DNAJC5B: variants seen among roughly 807,000 people sequenced by gnomAD.
DNAJC5B encodes dnaJ homolog subfamily C member 5B.
A neutral mutation model predicts 24.7 loss-of-function variants in DNAJC5B; 23 were observed. The ratio of observed to expected loss-of-function variants is 0.93; its 90% CI spans 0.67 to 1.32. The LOEUF is 1.32. DNAJC5B is among the 40% of genes most tolerant of loss of function. The pLI, the probability that DNAJC5B is intolerant of heterozygous loss-of-function variation, is 0.00. For missense variants in DNAJC5B, 238 were observed against 240.8 expected, an observed-to-expected ratio of 0.99 and a Z score of 0.08; for synonymous variants, 101 against 90.1, an observed-to-expected ratio of 1.12 and a Z score of -0.68.
intron 1 of DNAJC5B, among the ~76,000 whole-genome samples, chr8:66,026,578 C>T (rs983424443): frequency 3.3e-5 from 5 of 152,240 alleles, no homozygotes; most frequent in African/African-American, 4.8e-5. Flanking sequence ...ACTGGATCTC[C>T]GACACGCGCA....
At chr8:66,086,784 G>A (rs1462124678) in intron 5 of DNAJC5B, among the ~76,000 whole-genome samples, 1 of 152,096 alleles carries the variant, frequency 6.6e-6, no homozygotes, top group East Asian at 1.9e-4. Flanking sequence ...ATTACCACAG[G>A]AAATTAATTT....
chr8:66,073,368 G>A lies in DNAJC5B; in HGVS notation c.120-3292G>A, dbSNP rs112996497. Among the ~76,000 whole-genome samples, 630 of 152,000 alleles carry A rather than the reference G, an allele frequency of 4.1e-3. 5 individuals are homozygous for A. The highest frequency in any genetic ancestry group is 0.014 in the African/African-American group (598 of 41,494). ...TAAAAATGATAAAACTTTAAAATTC[G>A]TTAAAAAGATTGAAATAGGTCGACA... On this transcript the variant is annotated intron_variant, in intron 3 of 5. Transcript: ENST00000276570.
intron 5 of DNAJC5B, among the ~76,000 whole-genome samples, chr8:66,085,228 C>A (rs558487348): frequency 3.3e-5 from 5 of 152,200 alleles, no homozygotes; most frequent in South Asian, 2.1e-4. Context: ...TCGCTTGAGG[C>A]CAGGAGTTCA....
At chr8:66,094,474 T>C (rs1347748528) in intron 5 of DNAJC5B, among the ~76,000 whole-genome samples, 1 of 152,118 alleles carries the variant, frequency 6.6e-6, no homozygotes, top group African/African-American at 2.4e-5. Flanking sequence ...TTAAAAACAT[T>C]GATTTTTGAA....
chr8:66,071,023 C>T (rs1807336068), intron 3 of DNAJC5B, among the ~76,000 whole-genome samples: 3 of 152,138 alleles, frequency 2.0e-5, no homozygotes, highest in South Asian at 4.2e-4. Context: ...AACTGGACCC[C>T]TTCCTTACAC....
chr8:66,021,411 C>G (rs557223158), upstream of DNAJC5B: 3 of 152,254 alleles, frequency 2.0e-5, no homozygotes, highest in Non-Finnish European at 4.4e-5. Context: ...GAATGTCCTT[C>G]CCAACCTCCC....
At chr8:66,082,209 A>G (rs1807611349) in intron 5 of DNAJC5B, among the ~76,000 whole-genome samples, 1 of 152,034 alleles carries the variant, frequency 6.6e-6, no homozygotes, top group African/African-American at 2.4e-5. Flanking sequence ...ACCAGAAGAG[A>G]CAGCAAGATA....
intron 2 of DNAJC5B, among the ~76,000 whole-genome samples, chr8:66,044,441 C>T (rs1806681756): frequency 6.6e-6 from 1 of 152,192 alleles, no homozygotes; most frequent in Non-Finnish European, 1.5e-5. Flanking sequence ...TTTTTTCAAA[C>T]TTCACATAAT....
At chr8:66,082,787 A>T (rs997334997) in intron 5 of DNAJC5B, among the ~76,000 whole-genome samples, 2 of 152,134 alleles carry the variant, frequency 1.3e-5, no homozygotes, top group African/African-American at 4.8e-5. Flanking sequence ...AAGTGAATAT[A>T]TATTTAGAAT....
At chr8:66,074,150 G>A (rs2085583910) in intron 3 of DNAJC5B, among the ~76,000 whole-genome samples, 1 of 152,114 alleles carries the variant, frequency 6.6e-6, no homozygotes, top group African/African-American at 2.4e-5. Flanking sequence ...TATCCAAACG[G>A]TATATATAAC....
At chr8:66,015,752 T>A in the DNAJC5B span, among the ~76,000 whole-genome samples, 1 of 152,124 alleles carries the variant, frequency 6.6e-6, no homozygotes, top group South Asian at 2.1e-4. Flanking sequence ...CAGATGTGGA[T>A]GTATTTAGAG....
At chr8:66,087,606 T>C (rs371498274) in intron 5 of DNAJC5B, among the ~76,000 whole-genome samples, 4 of 152,182 alleles carry the variant, frequency 2.6e-5, no homozygotes, top group African/African-American at 7.2e-5. Context: ...ACTTCCAAGA[T>C]ACAATGGAGG....
At chr8:66,036,034 T>C (rs1806477057) in intron 1 of DNAJC5B, among the ~76,000 whole-genome samples, 1 of 152,208 alleles carries the variant, frequency 6.6e-6, no homozygotes, top group Non-Finnish European at 1.5e-5. Flanking sequence ...GTCAGAGTTG[T>C]TCAGCGTGAT....
At chr8:66,042,888 C>T (rs1197639301) in intron 1 of DNAJC5B, among the ~76,000 whole-genome samples, 2 of 152,030 alleles carry the variant, frequency 1.3e-5, no homozygotes, top group East Asian at 3.9e-4. Context: ...TCTTGGTAAA[C>T]AGCACACTTA....
intron 1 of DNAJC5B, among the ~76,000 whole-genome samples, chr8:66,029,082 T>C (rs1028911035): frequency 5.9e-5 from 9 of 152,242 alleles, no homozygotes; most frequent in South Asian, 4.1e-4. Flanking sequence ...GCTTTTCTGA[T>C]AGTTGAACTC....
At chr8:66,075,389 C>T (rs191700116) in intron 3 of DNAJC5B, among the ~76,000 whole-genome samples, 26 of 152,170 alleles carry the variant, frequency 1.7e-4, no homozygotes, top group Admixed American at 1.7e-3. Context: ...GGGGGAAATG[C>T]TGCAATTCCT....
At chr8:66,022,155 A>C (rs1457152106) in intron 1 of DNAJC5B, among the ~76,000 whole-genome samples, 2 of 152,174 alleles carry the variant, frequency 1.3e-5, no homozygotes, top group East Asian at 3.8e-4. Flanking sequence ...TTTGGTTGAG[A>C]AGTAAGTAAA....
intron 1 of DNAJC5B, among the ~76,000 whole-genome samples, chr8:66,029,028 A>G (rs1806305657): frequency 6.6e-6 from 1 of 152,074 alleles, no homozygotes; most frequent in Admixed American, 6.5e-5. Context: ...CAGCTTGCCC[A>G]ATACTTTTCT....
At chr8:66,036,888 AG>A (rs1473591342) in intron 1 of DNAJC5B, among the ~76,000 whole-genome samples, 1 of 152,208 alleles carries the variant, frequency 6.6e-6, no homozygotes, top group Non-Finnish European at 1.5e-5. Context: ...GGCCTGGGGC[AG>A]GGGGACCTGT....
Sources: gnomAD v4.1 joint callset for allele counts (sites outside exome capture counted in the v4.1 genomes callset) on GRCh38, gnomAD v4.1.1 for gene constraint, MANE v1.5 for transcripts, NCBI Gene and HGNC (gene_info 2026-07-23, HGNC 2026-07-21) for gene names.